SLC26A7: variants seen among roughly 807,000 people sequenced by gnomAD.
SLC26A7 encodes the protein anion exchange transporter.
In SLC26A7, 59 loss-of-function variants were observed where a neutral mutation model predicts 82.5. That is an observed-to-expected ratio of 0.72 (90% confidence interval 0.58 to 0.89). SLC26A7 has a LOEUF of 0.89. Ranked by LOEUF, SLC26A7 falls within the 40% of genes least tolerant of loss-of-function variation. The pLI, the probability that SLC26A7 is intolerant of heterozygous loss-of-function variation, is 0.00. For missense variants in SLC26A7, 820 were observed against 793.0 expected, an observed-to-expected ratio of 1.03 and a Z score of -0.41; for synonymous variants, 271 against 274.3, an observed-to-expected ratio of 0.99 and a Z score of 0.12.
intron 11 of SLC26A7, among the ~76,000 whole-genome samples, chr8:91,357,698 G>A (rs1356149923): frequency 6.6e-6 from 1 of 151,558 alleles, no homozygotes; most frequent in Non-Finnish European, 1.5e-5. Flanking sequence ...CATAGGCATG[G>A]GCAAGGACTT....
At chr8:91,353,069 T>A in intron 11 of SLC26A7, 73 bp downstream of exon 11, 1 of 976,642 alleles carries the variant, frequency 1.0e-6, no homozygotes. Flanking sequence ...ACTAATACTT[T>A]TATTTGCAGA....
intron 2 of SLC26A7, among the ~76,000 whole-genome samples, chr8:91,284,938 C>T (rs1292123801): frequency 6.6e-6 from 1 of 152,208 alleles, no homozygotes; most frequent in African/African-American, 2.4e-5. Flanking sequence ...TACTTTCTGT[C>T]TCCCTCTAAA....
At chr8:91,245,230 G>A (rs1442052166), upstream of SLC26A7, among the ~76,000 whole-genome samples, 1 of 152,168 alleles carries the variant, frequency 6.6e-6, no homozygotes, top group African/African-American at 2.4e-5. Flanking sequence ...GGGCTCTTAA[G>A]TAGCAGATTT....
At chr8:91,248,043 A>G (rs1483876338), upstream of SLC26A7, among the ~76,000 whole-genome samples, 1 of 152,176 alleles carries the variant, frequency 6.6e-6, no homozygotes, top group African/African-American at 2.4e-5. Context: ...GCATGAATTT[A>G]CAATTATTTG....
chr8:91,352,980 T>C lies in SLC26A7; in HGVS notation c.1298T>C (p.Val433Ala). 1 of 1,607,376 alleles carries C rather than the reference T, an allele frequency of 6.2e-7. No homozygotes were observed. Among genetic ancestry groups the C allele is most frequent in the South Asian group, 1.1e-5 (1 of 90,032 alleles). ...QFRDLKKYWN[V>A]DKIDWGIWVS... ...CGAGATTTAAAAAAATATTGGAATG[T>C]GGATAAAATCGATTGGGTAAGTAGA... The change falls in exon 11 of 19, where the codon GTG becomes GCG. Residue 433 changes from valine to alanine, a missense_variant. Physicochemically the swap from Val to Ala is moderately conservative, Grantham distance 64. Transcript: ENST00000276609.
At chr8:91,261,062 G>T (rs1426856473) in intron 2 of SLC26A7, among the ~76,000 whole-genome samples, 2 of 152,114 alleles carry the variant, frequency 1.3e-5, no homozygotes, top group African/African-American at 4.8e-5. Flanking sequence ...CCACAAACCA[G>T]TTACCACAGG....
chr8:91,211,042 T>A (rs1354143643), intron 1 of SLC26A7, among the ~76,000 whole-genome samples: 2 of 152,068 alleles, frequency 1.3e-5, no homozygotes, highest in African/African-American at 4.8e-5. Context: ...TGAACTGACA[T>A]CAGATTTCTC....
chr8:91,347,970 T>G (rs1480206542), intron 9 of SLC26A7, among the ~76,000 whole-genome samples: 1 of 152,124 alleles, frequency 6.6e-6, no homozygotes, highest in Non-Finnish European at 1.5e-5. Flanking sequence ...CTTCCTTGCA[T>G]GCTTCTCTTC....
At chr8:91,264,058 C>T (rs962433636) in intron 2 of SLC26A7, among the ~76,000 whole-genome samples, 2 of 151,946 alleles carry the variant, frequency 1.3e-5, no homozygotes, top group Non-Finnish European at 2.9e-5. Flanking sequence ...AGATCCAAAT[C>T]CATGTTGCTC....
chr8:91,309,126 T>C (rs997511728), intron 4 of SLC26A7, among the ~76,000 whole-genome samples: 1 of 152,100 alleles, frequency 6.6e-6, no homozygotes, highest in African/African-American at 2.4e-5. Flanking sequence ...AATATAATTA[T>C]GTTTAATTAT....
chr8:91,368,430 T>G (rs551446346), intron 14 of SLC26A7, among the ~76,000 whole-genome samples: 44 of 151,912 alleles, frequency 2.9e-4, no homozygotes, highest in African/African-American at 5.8e-4. Context: ...TTTTTGTTTT[T>G]TTTTTTGAGA....
At chr8:91,392,505 A>G (rs954929856) in intron 16 of SLC26A7, among the ~76,000 whole-genome samples, 1 of 152,132 alleles carries the variant, frequency 6.6e-6, no homozygotes, top group Non-Finnish European at 1.5e-5. Flanking sequence ...ATTTTTTCTC[A>G]TTTTAAAAAT....
intron 2 of SLC26A7, among the ~76,000 whole-genome samples, chr8:91,232,345 CAG>C (rs1360288621): frequency 6.6e-6 from 1 of 151,980 alleles, no homozygotes; most frequent in African/African-American, 2.4e-5. Flanking sequence ...TAGAGAAACT[CAG>C]AGAATCTGTG....
At chr8:91,217,495 G>C (rs571526504) in intron 1 of SLC26A7, among the ~76,000 whole-genome samples, 17 of 152,226 alleles carry the variant, frequency 1.1e-4, no homozygotes, top group African/African-American at 4.1e-4. Flanking sequence ...GAATGTCCTG[G>C]GGCTGATGTT....
chr8:91,222,385 C>T (rs1810173390), intron 2 of SLC26A7, among the ~76,000 whole-genome samples: 2 of 152,058 alleles, frequency 1.3e-5, no homozygotes, highest in African/African-American at 4.8e-5. Flanking sequence ...ATTGCCCTGG[C>T]CAGAACTTCC....
At chr8:91,392,742 T>G (rs1002725714) in intron 16 of SLC26A7, among the ~76,000 whole-genome samples, 1 of 152,176 alleles carries the variant, frequency 6.6e-6, no homozygotes, top group African/African-American at 2.4e-5. Context: ...GTTCTTTTAC[T>G]TGGGACATTG....
intron 2 of SLC26A7, among the ~76,000 whole-genome samples, chr8:91,286,724 ACTTATTAAGATAT>A (rs1811722044): frequency 6.6e-6 from 1 of 152,188 alleles, no homozygotes; most frequent in African/African-American, 2.4e-5. Context: ...TTTGTTAGCG[ACTTATTAAGATAT>A]TCACTATTTT....
intron 2 of SLC26A7, among the ~76,000 whole-genome samples, chr8:91,259,535 T>G (rs984135746): frequency 1.4e-4 from 21 of 152,138 alleles, no homozygotes; most frequent in Non-Finnish European, 2.9e-5. Flanking sequence ...ATTAGACTTC[T>G]GAGAATGCTT....
At chr8:91,394,155 C>G in intron 18 of SLC26A7, 116 bp downstream of exon 18, 1 of 1,598,232 alleles carries the variant, frequency 6.3e-7, no homozygotes, top group Non-Finnish European at 8.5e-7. Flanking sequence ...CTGTTAGCCC[C>G]CCACCCCACC....
Sources: allele counts gnomAD v4.1 joint callset (sites outside exome capture counted in the v4.1 genomes callset), GRCh38; gene constraint gnomAD v4.1.1; transcripts MANE v1.5; gene names NCBI Gene and HGNC (gene_info 2026-07-23, HGNC 2026-07-21).